Variants in CD44 observed in about 807,000 individuals in gnomAD.
CD44 encodes the protein CD44 antigen.
A neutral mutation model predicts 88.8 loss-of-function variants in CD44; 49 were observed. The ratio of observed to expected loss-of-function variants is 0.55; its 90% CI spans 0.44 to 0.70. The LOEUF (loss-of-function observed/expected upper bound fraction) is 0.70, where lower values mean the gene tolerates loss of function less well. Among genes scored for constraint, CD44 ranks in the 30% least tolerant of loss-of-function variants. CD44 has a pLI of 0.00. For synonymous variants in CD44, 325 were observed against 312.3 expected (o/e 1.04, Z -0.43); for missense variants, 883 against 913.8 (o/e 0.97, Z 0.43).
chr11:35,179,474 C>G (rs1478476218), intron 2 of CD44, among the ~76,000 whole-genome samples: 1 of 152,118 alleles, frequency 6.6e-6, no homozygotes, highest in Non-Finnish European at 1.5e-5. Context: ...TATGTTGTAT[C>G]TGTATGTCGT....
chr11:35,204,769 T>C (rs945895299), intron 10 of CD44, 129 bp downstream of exon 10: 2 of 845,462 alleles, frequency 2.4e-6, no homozygotes, highest in Non-Finnish European at 3.7e-6. Context: ...TAATAAATTA[T>C]GCTGCAGTTC....
chr11:35,197,719 CAAA>C (rs550761818), intron 6 of CD44: 36 of 81,088 alleles, frequency 4.4e-4, no homozygotes, highest in Non-Finnish European at 6.9e-4. Flanking sequence ...GTGTCTTGAC[CAAA>C]AAAAAAAAAA....
At chr11:35,166,384 C>A (rs1271455724) in intron 1 of CD44, among the ~76,000 whole-genome samples, 3 of 151,834 alleles carry the variant, frequency 2.0e-5, no homozygotes, top group East Asian at 3.8e-4. Flanking sequence ...GATCCAGGAC[C>A]AGGAGTGGGG....
Position 35,219,045 on chromosome 11 carries a change from T to C in CD44, c.1874-271T>C, listed in dbSNP as rs1048161946. ...AGACTTAAATCCAGGGTTGTCCAGC[T>C]CTAGACACCAAAGTCCTGAACACTG... On this transcript the variant is annotated intron_variant, in intron 15 of 17. Transcript: ENST00000428726. The C allele has an allele frequency of 2.9e-5, 12 of 418,500 alleles. No individual in the cohort carries two copies. In the East Asian group the frequency reaches 5.0e-4, roughly 17 times the overall value. The allele number at this position is 418,500 out of a possible 1,614,324, so 25.9% of individuals were successfully genotyped here. A position where few individuals can be genotyped will look rare whatever the true frequency, so the allele number is the denominator to read the frequency against.
intron 1 of CD44, among the ~76,000 whole-genome samples, chr11:35,165,897 C>A (rs911450922): frequency 6.6e-6 from 1 of 152,170 alleles, no homozygotes; most frequent in African/African-American, 2.4e-5. Context: ...CTATGAGTAA[C>A]AGTTTCTCAT....
chr11:35,196,723 CA>C (rs1946792318), intron 5 of CD44, 22 bp from the exon 6 acceptor site: 1 of 1,609,764 alleles, frequency 6.2e-7, no homozygotes. Context: ...TTTCAACAAT[CA>C]ATTCAATCAT....
intron 1 of CD44, among the ~76,000 whole-genome samples, chr11:35,148,590 T>C (rs1377540327): frequency 6.6e-6 from 1 of 152,158 alleles, no homozygotes; most frequent in East Asian, 1.9e-4. Context: ...CACAAACACA[T>C]CTCCATTTAA....
chr11:35,230,616 G>T lies in CD44; in HGVS notation c.*1283G>T, dbSNP rs561975670. 3.3e-5 allele frequency: 5 copies of T among 152,236 alleles called. No individual in the cohort carries two copies. The highest frequency in any genetic ancestry group is 7.2e-5 in the African/African-American group (3 of 41,514). 9.4% of individuals were successfully genotyped at this position (152,236 alleles called of 1,614,324 possible). A position where few individuals can be genotyped will look rare whatever the true frequency, so the allele number is the denominator to read the frequency against. The stretch of plus-strand genomic sequence containing the variant: ...TATTTAGGATGAGTTAAGTGCCTGG[G>T]GAGTCCCTCAAAAGGTTAAAGGGAT... On this transcript the variant is annotated 3_prime_UTR_variant, in exon 18 of 18. Transcript: ENST00000428726.
At chr11:35,169,286 C>T (rs1943624271) in intron 1 of CD44, among the ~76,000 whole-genome samples, 1 of 152,060 alleles carries the variant, frequency 6.6e-6, no homozygotes, top group Admixed American at 6.6e-5. Flanking sequence ...AGAGAAGTTC[C>T]AAAATTTCAG....
rs1168234750 is a variant in CD44 at position 35,139,297 on chromosome 11, G to A, written c.-7G>A. 6.4e-7 allele frequency: 1 copy of A among 1,557,974 alleles called. No homozygotes were observed. The highest frequency in any genetic ancestry group is 8.7e-7 in the Non-Finnish European group (1 of 1,150,330). On this transcript the variant is annotated 5_prime_UTR_variant, in exon 1 of 18. Coordinates refer to ENST00000428726, the MANE Select transcript of CD44 (RefSeq NM_000610.4). The stretch of plus-strand genomic sequence containing the variant: ...TTCGCCCGCGCCCTCCGTTCGCTCC[G>A]GACACCATGGACAAGTTTTGGTGGC...
chr11:35,139,427 C>T (rs1857447567), intron 1 of CD44, 57 bp downstream of exon 1: 4 of 1,467,458 alleles, frequency 2.7e-6, no homozygotes, highest in African/African-American at 1.4e-5. Flanking sequence ...CAGCGCGGAC[C>T]CGGCGGCAGC....
At chr11:35,209,610 C>G (rs1411111189) in intron 12 of CD44, among the ~76,000 whole-genome samples, 1 of 152,068 alleles carries the variant, frequency 6.6e-6, no homozygotes, top group African/African-American at 2.4e-5. Flanking sequence ...CATTGGGATT[C>G]AAATATTCTT....
In CD44 at chr11:35,205,933, G is replaced by A. The variant is rs2134110264; in HGVS notation, c.1283-179G>A. 8 of 1,259,266 alleles carry A rather than the reference G, an allele frequency of 6.4e-6. No homozygotes were observed. The South Asian group carries it at 2.0e-4, about 31-fold the overall frequency. The allele number at this position is 1,259,266 out of a possible 1,614,324, so 78.0% of individuals were successfully genotyped here. On this transcript the variant is annotated intron_variant, in intron 10 of 17. Transcript: ENST00000428726. Reference sequence around the variant, plus strand: ...TGATTGCTAAGAAGAAAATGAGCATGAGTGAACCCAAAGCTGCTGAAACAT... The same window carrying A: ...TGATTGCTAAGAAGAAAATGAGCATAAGTGAACCCAAAGCTGCTGAAACAT...
rs1010362189 is a variant in CD44 at position 35,204,449 on chromosome 11, T to C, written c.1154-63T>C. 27 of 1,545,330 alleles carry C rather than the reference T, an allele frequency of 1.7e-5. No individual in the cohort carries two copies. The Admixed American group carries it at 3.8e-4, about 22-fold the overall frequency. ...TATCTGCCCTTAAAGTAGAAAGATA[T>C]GTTGACAGCTATTGGTGAGGAAAAT... On this transcript the variant is annotated intron_variant, in intron 9 of 17. Coordinates refer to ENST00000428726, the MANE Select transcript of CD44 (RefSeq NM_000610.4).
At position 35,192,732 on chromosome 11, in the gene CD44, A is replaced by C. The variant is rs552995578; in HGVS notation, c.667+2667A>C. Among the ~76,000 whole-genome samples the C allele has an allele frequency of 4.0e-5, 6 of 151,446 alleles. No homozygotes were observed. In the South Asian group the frequency reaches 6.3e-4, roughly 16 times the overall value. Reference sequence around the variant, plus strand: ...AGAAACCTAAACTAATTCAGGAAGCAGACTCCTGCCTTGGAACACTGTATT... The same window carrying C: ...AGAAACCTAAACTAATTCAGGAAGCCGACTCCTGCCTTGGAACACTGTATT... On this transcript the variant is annotated intron_variant, in intron 5 of 17. Transcript: ENST00000428726.
chr11:35,229,317 T>A lies in CD44; in HGVS notation c.2213T>A (p.Met738Lys). The stretch of plus-strand genomic sequence containing the variant: ...ACAAGGAACCTGCAGAATGTGGACA[T>A]GAAGATTGGGGTGTAACACCTACAC... ...DETRNLQNVD[M>K]KIGV Residue 738 changes from methionine (M) to lysine (K), a missense_variant, in exon 18 of 18, where the codon ATG becomes AAG. Coordinates refer to ENST00000428726, the MANE Select transcript of CD44 (RefSeq NM_000610.4). 6.2e-7 allele frequency: 1 copy of A among 1,612,184 alleles called. No homozygotes were observed. Among genetic ancestry groups the A allele is most frequent in the South Asian group, 1.1e-5 (1 of 91,036 alleles).
chr11:35,186,188 C>T (rs6416081), intron 3 of CD44, among the ~76,000 whole-genome samples: 84,983 of 152,064 alleles, frequency 0.56, 24,698 homozygotes, highest in African/African-American at 0.71. Flanking sequence ...GAGTAAGCAC[C>T]TAAAAGATCA....
intron 16 of CD44, among the ~76,000 whole-genome samples, chr11:35,221,358 A>G (rs955551025): frequency 1.3e-5 from 2 of 152,230 alleles, no homozygotes; most frequent in African/African-American, 4.8e-5. Flanking sequence ...ATTATACCAA[A>G]GGCATCTACA....
At chr11:35,220,071 AC>A (rs1337789429) in intron 16 of CD44, among the ~76,000 whole-genome samples, 12 of 152,174 alleles carry the variant, frequency 7.9e-5, no homozygotes, top group Non-Finnish European at 5.9e-5. Flanking sequence ...GTTGTAAATT[AC>A]CCTTTTAATT....
Sources: allele counts gnomAD v4.1 joint callset (sites outside exome capture counted in the v4.1 genomes callset), GRCh38; gene constraint gnomAD v4.1.1; transcripts MANE v1.5; gene names NCBI Gene and HGNC (gene_info 2026-07-23, HGNC 2026-07-21).